GCNT1: variants seen among roughly 807,000 people sequenced by gnomAD.
GCNT1 encodes beta-1,3-galactosyl-O-glycosyl-glycoprotein beta-1,6-N-acetylglucosaminyltransferase.
GCNT1 carries 16 observed loss-of-function variants against 26.2 expected under a neutral mutation model. The observed-to-expected ratio is 0.61, with a 90% CI of 0.41 to 0.93. The LOEUF (loss-of-function observed/expected upper bound fraction) is 0.93, where lower values mean the gene tolerates loss of function less well. GCNT1 is among the 40% of genes least tolerant of loss of function. GCNT1 has a pLI of 0.00. For synonymous variants in GCNT1, 183 were observed against 190.8 expected (o/e 0.96, Z 0.34); for missense variants, 477 against 526.7 (o/e 0.91, Z 0.92).
rs142052264 is a variant in GCNT1, at chr9:76,466,513, G to A, written c.-290+6336G>A. On this transcript the variant is annotated intron_variant, in intron 2 of 3. Transcript: ENST00000376730. ...CGGGTCTCACCATCTGTGTTGTCCA[G>A]GCTGGTCTCAAATTCCTGAGCTGAG... is the stretch of plus-strand genomic sequence containing the variant. 3.6e-3 allele frequency among the ~76,000 whole-genome samples: 544 copies of A among 152,278 alleles called. 5 individuals carry two copies. Among genetic ancestry groups the A allele is most frequent in the African/African-American group, 0.013 (521 of 41,558 alleles).
chr9:76,502,005 C>G (rs1488375397), intron 3 of GCNT1: 2 of 152,138 alleles, frequency 1.3e-5, no homozygotes, highest in African/African-American at 4.8e-5. Flanking sequence ...CTTTTGTTTT[C>G]TTTTTCAATC....
At chr9:76,453,115 A>C (rs1451708938) in intron 1 of GCNT1, among the ~76,000 whole-genome samples, 1 of 152,176 alleles carries the variant, frequency 6.6e-6, no homozygotes, top group Non-Finnish European at 1.5e-5. Context: ...AACTGTAGCC[A>C]ATCTCATCTG....
At chr9:76,406,661 A>G in the GCNT1 span, among the ~76,000 whole-genome samples, 8 of 152,236 alleles carry the variant, frequency 5.3e-5, no homozygotes, top group South Asian at 1.2e-3. Context: ...AGATTGTGCC[A>G]CTGCACTCCA....
In GCNT1 at chr9:76,503,898, C is replaced by T. The variant is rs941221969; in HGVS notation, c.*230C>T. 1.9e-6 allele frequency: 1 copy of T among 539,240 alleles called. No individual in the cohort carries two copies. The highest frequency in any genetic ancestry group is 3.2e-5 in the Admixed American group (1 of 31,438). 33.4% of individuals were successfully genotyped at this position (539,240 alleles called of 1,614,324 possible). On this transcript the variant is annotated 3_prime_UTR_variant, in exon 4 of 4. Transcript: ENST00000376730. Reference sequence around the variant, plus strand: ...TTAATAGTGGGAGGAGTAAAGGTAGCCTTGAGGCCAGAGCAGGTAGCAAGG... The same window carrying T: ...TTAATAGTGGGAGGAGTAAAGGTAGTCTTGAGGCCAGAGCAGGTAGCAAGG...
At chr9:76,411,696 A>ATTTTTT in the GCNT1 span, among the ~76,000 whole-genome samples, 2 of 55,716 alleles carry the variant, frequency 3.6e-5, no homozygotes, top group African/African-American at 1.5e-4. Context: ...CATCAATTAT[A>ATTTTTT]CTTTTTTTTT....
At chr9:76,436,003 T>G (rs1327749129) in intron 1 of GCNT1, among the ~76,000 whole-genome samples, 1 of 144,002 alleles carries the variant, frequency 6.9e-6, no homozygotes, top group Non-Finnish European at 1.5e-5. Context: ...TCACCCAGGC[T>G]GGAGTGCAGT....
chr9:76,482,804 C>T (rs913267453), intron 2 of GCNT1, among the ~76,000 whole-genome samples: 9 of 123,422 alleles, frequency 7.3e-5, no homozygotes, highest in Admixed American at 3.0e-4. Flanking sequence ...GCCACCACAC[C>T]GGGCTAATTT....
At chr9:76,450,617 AT>A (rs1823650004) in intron 1 of GCNT1, among the ~76,000 whole-genome samples, 1 of 152,162 alleles carries the variant, frequency 6.6e-6, no homozygotes, top group South Asian at 2.1e-4. Context: ...GTAAAAAGTG[AT>A]TTGTAGTTTT....
intron 2 of GCNT1, among the ~76,000 whole-genome samples, chr9:76,500,573 T>C (rs927633748): frequency 5.9e-5 from 9 of 152,254 alleles, no homozygotes; most frequent in African/African-American, 2.2e-4. Context: ...CCAGTGAGCA[T>C]TGGGAATCTT....
At chr9:76,479,149 T>C (rs1275240616) in intron 2 of GCNT1, among the ~76,000 whole-genome samples, 1 of 152,174 alleles carries the variant, frequency 6.6e-6, no homozygotes, top group Non-Finnish European at 1.5e-5. Context: ...AGAATGATGG[T>C]TTCCAGCTTC....
At chr9:76,496,582 T>C (rs1824912315) in intron 2 of GCNT1, among the ~76,000 whole-genome samples, 1 of 145,834 alleles carries the variant, frequency 6.9e-6, no homozygotes, top group African/African-American at 2.4e-5. Flanking sequence ...TGGTGCTGAC[T>C]CTCTTTATGT....
intron 1 of GCNT1, among the ~76,000 whole-genome samples, chr9:76,425,368 GA>G (rs2131573556): frequency 6.6e-6 from 1 of 151,644 alleles, no homozygotes; most frequent in South Asian, 2.1e-4. Context: ...GATTAAAGGT[GA>G]CCGCCAACAC....
chr9:76,503,369 C>T lies in GCNT1; in HGVS notation c.988C>T (p.Pro330Ser). 6.2e-7 allele frequency: 1 copy of T among 1,614,122 alleles called. No individual in the cohort carries two copies. The highest frequency in any genetic ancestry group is 8.5e-7 in the Non-Finnish European group (1 of 1,180,026). ...EYLWATIQRI[P>S]EVPGSLPASH... is the part of the protein sequence containing the mutation. Reference sequence around the variant, plus strand: ...TCTCTGGGCCACCATCCAAAGGATTCCTGAAGTCCCGGGCTCACTCCCTGC... The same window carrying T: ...TCTCTGGGCCACCATCCAAAGGATTTCTGAAGTCCCGGGCTCACTCCCTGC... The change falls in exon 4 of 4, where the codon CCT becomes TCT. Residue 330 changes from proline to serine, a missense_variant. Transcript: ENST00000376730.
At chr9:76,450,383 A>G (rs11144905) in intron 1 of GCNT1, among the ~76,000 whole-genome samples, 4 of 151,974 alleles carry the variant, frequency 2.6e-5, no homozygotes, top group Admixed American at 6.6e-5. Context: ...CAACCCTTAC[A>G]TTGTTTACAG....
At chr9:76,466,993 A>G (rs2131600047) in intron 2 of GCNT1, among the ~76,000 whole-genome samples, 1 of 151,468 alleles carries the variant, frequency 6.6e-6, no homozygotes, top group South Asian at 2.1e-4. Flanking sequence ...ATTGCTTCCT[A>G]CCTTTGACCT....
intron 1 of GCNT1, among the ~76,000 whole-genome samples, chr9:76,425,863 TG>T (rs1823252390): frequency 6.6e-6 from 1 of 151,852 alleles, no homozygotes; most frequent in Non-Finnish European, 1.5e-5. Context: ...AGTTTTTGAG[TG>T]GGGGCCACAA....
intron 2 of GCNT1, among the ~76,000 whole-genome samples, chr9:76,475,833 G>C (rs976443367): frequency 6.6e-6 from 1 of 152,056 alleles, no homozygotes; most frequent in Non-Finnish European, 1.5e-5. Context: ...GGAAACTAAG[G>C]CTCAGAGAGG....
At chr9:76,443,023 G>A (rs1183715572) in intron 1 of GCNT1, among the ~76,000 whole-genome samples, 3 of 152,098 alleles carry the variant, frequency 2.0e-5, no homozygotes. Context: ...ATGGCCCAAG[G>A]TGGTAGCAAT....
chr9:76,399,270 A>C, the GCNT1 span: 1 of 1,449,988 alleles, frequency 6.9e-7, no homozygotes, highest in Admixed American at 1.7e-5. Flanking sequence ...ACGATTTCCT[A>C]TGACCACCCG....
Sources: allele counts gnomAD v4.1 joint callset (sites outside exome capture counted in the v4.1 genomes callset), GRCh38; gene constraint gnomAD v4.1.1; transcripts MANE v1.5; gene names NCBI Gene and HGNC (gene_info 2026-07-23, HGNC 2026-07-21).